Variants in CR1 observed in about 807,000 individuals in gnomAD.
CR1 encodes the protein complement receptor type 1.
A neutral mutation model predicts 187.3 loss-of-function variants in CR1; 116 were observed. The ratio of observed to expected loss-of-function variants is 0.62; its 90% CI spans 0.53 to 0.72. The LOEUF is 0.72. CR1 is among the 30% of genes least tolerant of loss of function. The pLI is 0.00. For missense variants in CR1, 1,731 were observed against 2,110.7 expected (o/e 0.82, Z 3.52); for synonymous variants, 576 against 747.1 (o/e 0.77, Z 3.73).
intron 1 of CR1, among the ~76,000 whole-genome samples, chr1:207,501,280 T>A: frequency 6.6e-6 from 1 of 152,200 alleles, no homozygotes; most frequent in East Asian, 1.9e-4. Context: ...GAACTCTGTG[T>A]GGGTGGGATG....
At chr1:207,502,705 A>C (rs1328264051) in intron 1 of CR1, among the ~76,000 whole-genome samples, 1 of 152,222 alleles carries the variant, frequency 6.6e-6, no homozygotes, top group South Asian at 2.1e-4. Context: ...CTGTCTGGGA[A>C]AAATAAGTAA....
intron 35 of CR1, among the ~76,000 whole-genome samples, chr1:207,594,130 C>A (rs1318409315): frequency 1.3e-5 from 2 of 152,064 alleles, no homozygotes; most frequent in African/African-American, 4.8e-5. Flanking sequence ...TATAAATCAT[C>A]CTTCTATAAA....
Position 207,611,155 on chromosome 1 carries a change from T to C in CR1, c.6296-522T>C, listed in dbSNP as rs1348789809. Among the ~76,000 whole-genome samples the C allele has an allele frequency of 2.6e-5, 4 of 151,700 alleles. No homozygotes were observed. In the East Asian group the frequency reaches 7.8e-4, roughly 29 times the overall value. ...TAGCTGAAATGACTGGCTTAAAACA[T>C]GGAGTGGGAAGAATTAGGACTGGTC... On this transcript the variant is annotated intron_variant, in intron 37 of 46. Transcript: ENST00000367049.
chr1:207,501,405 T>A (rs1277530724), intron 1 of CR1, among the ~76,000 whole-genome samples: 1 of 152,202 alleles, frequency 6.6e-6, no homozygotes, highest in Non-Finnish European at 1.5e-5. Context: ...ATGTAATATA[T>A]CTTGATAAAG....
At chr1:207,518,022 C>T (rs1321319924) in intron 4 of CR1, among the ~76,000 whole-genome samples, 3 of 152,070 alleles carry the variant, frequency 2.0e-5, no homozygotes, top group Non-Finnish European at 4.4e-5. Context: ...TTTGTGTATT[C>T]CTCCAGTCCT....
In CR1 at chr1:207,609,633, T is replaced by C; in HGVS notation, c.6240T>C (p.Thr2080=). The C allele has an allele frequency of 6.2e-7, 1 of 1,608,788 alleles. No homozygotes were observed. Among genetic ancestry groups the C allele is most frequent in the Non-Finnish European group, 8.5e-7 (1 of 1,177,530 alleles). The change falls in exon 37 of 47, where the codon ACT becomes ACC. Residue 2080 remains threonine, a synonymous_variant. Coordinates refer to ENST00000367049, the MANE Select transcript of CR1 (RefSeq NM_000651.6). ...GGTTTGTCATGGTAGGGTCCCACAC[T>C]GTGCAGTGCCAGACCAATGGCAGAT... ...QPGFVMVGSH[T]VQCQTNGRWG...
In CR1 at chr1:207,576,397, A is replaced by G. The variant is rs1470130860; in HGVS notation, c.4537+717A>G. 7.9e-5 allele frequency among the ~76,000 whole-genome samples: 12 copies of G among 152,310 alleles called. No homozygotes were observed. The South Asian group carries it at 1.0e-3, about 13-fold the overall frequency. ...GCGCATTCAGGGTGGTATGGCTGTA[A>G]ATCAGTATCCAGTTCTTTTTATTAC... On this transcript the variant is annotated intron_variant, in intron 28 of 46. Transcript: ENST00000367049.
chr1:207,605,467 A>G (rs1229339502), intron 35 of CR1, among the ~76,000 whole-genome samples: 2 of 152,164 alleles, frequency 1.3e-5, no homozygotes, highest in East Asian at 1.9e-4. Context: ...CCCTATAAAT[A>G]TATACAATTA....
chr1:207,565,817 C>A (rs564438877), intron 23 of CR1, 21 bp from the exon 24 acceptor site: 1 of 1,610,348 alleles, frequency 6.2e-7, no homozygotes, highest in African/African-American at 1.4e-5. Context: ...GCTCACTATT[C>A]ACTCCTATTT....
chr1:207,633,196 C>G (rs112736134), intron 46 of CR1, among the ~76,000 whole-genome samples: 204 of 152,300 alleles, frequency 1.3e-3, no homozygotes, highest in African/African-American at 4.7e-3. Flanking sequence ...CCAAACAACT[C>G]TAGTCCAAAA....
chr1:207,500,799 C>A (rs929320690), intron 1 of CR1, among the ~76,000 whole-genome samples: 6 of 152,218 alleles, frequency 3.9e-5, no homozygotes, highest in South Asian at 4.1e-4. Context: ...TATGTCCACA[C>A]AAAGACTTGT....
At chr1:207,518,395 G>A (rs1659868236) in intron 4 of CR1, among the ~76,000 whole-genome samples, 1 of 152,234 alleles carries the variant, frequency 6.6e-6, no homozygotes, top group Non-Finnish European at 1.5e-5. Context: ...TTAGGAAAAT[G>A]TGGTTTAGAA....
intron 4 of CR1, among the ~76,000 whole-genome samples, chr1:207,516,779 T>C (rs1255050942): frequency 7.2e-5 from 11 of 152,264 alleles, no homozygotes; most frequent in Non-Finnish European, 1.2e-4. Context: ...TTCTTAGATA[T>C]GCACCTGTTT....
At position 207,641,745 on chromosome 1, in the gene CR1, ATACTT is replaced by A. The variant is rs948372302; in HGVS notation, c.*2339_*2343del. 9 of 152,226 alleles carry A rather than the reference ATACTT, an allele frequency of 5.9e-5. No individual in the cohort carries two copies. Among genetic ancestry groups the A allele is most frequent in the African/African-American group, 1.9e-4 (8 of 41,452 alleles). The allele number at this position is 152,226 out of a possible 1,614,324, so 9.4% of individuals were successfully genotyped here. A position where few individuals can be genotyped will look rare whatever the true frequency, so the allele number is the denominator to read the frequency against. On this transcript the variant is annotated 3_prime_UTR_variant, in exon 47 of 47. Coordinates refer to ENST00000367049, the MANE Select transcript of CR1 (RefSeq NM_000651.6). The stretch of plus-strand genomic sequence containing the variant: ...ACCATTGTAATGAGAAAGGAATAAA[ATACTT>A]TATTTTGCAAATCTACTTATGGAAT...
At chr1:207,565,127 CT>C (rs1660453390) in intron 23 of CR1, among the ~76,000 whole-genome samples, 1 of 149,936 alleles carries the variant, frequency 6.7e-6, no homozygotes, top group South Asian at 2.1e-4. Flanking sequence ...GTGCACATCT[CT>C]ACACAGGAGC....
chr1:207,577,740 G>T (rs1660797439), intron 28 of CR1, 65 bp from the exon 29 acceptor site: 19 of 1,595,498 alleles, frequency 1.2e-5, no homozygotes, highest in Non-Finnish European at 1.5e-5. Flanking sequence ...CTGCACTCCA[G>T]CCTGGGTGAC....
At position 207,523,987 on chromosome 1, in the gene CR1, G is replaced by A. The variant is rs777704702; in HGVS notation, c.864G>A (p.Pro288=). ...GCCAGGCCCTGAACAAATGGGAGCC[G>A]GAGCTACCAAGCTGCTCCAGGGGTG... ...VKCQALNKWE[P]ELPSCSRVCQ... Residue 288 remains proline, a synonymous_variant, in exon 5 of 47, where the codon CCG becomes CCA. Transcript: ENST00000367049. 94 of 1,611,726 alleles carry A rather than the reference G, an allele frequency of 5.8e-5. No homozygotes were observed. The highest frequency in any genetic ancestry group is 7.4e-5 in the Non-Finnish European group (87 of 1,179,696).
At chr1:207,514,253 T>A (rs978362845) in intron 4 of CR1, among the ~76,000 whole-genome samples, 10 of 152,222 alleles carry the variant, frequency 6.6e-5, no homozygotes, top group Non-Finnish European at 1.5e-4. Context: ...ATATTTTAGA[T>A]GTTTCTATTA....
intron 32 of CR1, among the ~76,000 whole-genome samples, chr1:207,582,289 C>T (rs923767975): frequency 6.6e-6 from 1 of 152,158 alleles, no homozygotes; most frequent in African/African-American, 2.4e-5. Flanking sequence ...AAATTTTTCT[C>T]TTCTTTCCTG....
Sources: gnomAD v4.1 joint callset for allele counts (sites outside exome capture counted in the v4.1 genomes callset) on GRCh38, gnomAD v4.1.1 for gene constraint, MANE v1.5 for transcripts, NCBI Gene and HGNC (gene_info 2026-07-23, HGNC 2026-07-21) for gene names.